The following SKAP1 variants were observed in gnomAD, a reference collection of about 807,000 sequenced individuals.
The protein encoded by SKAP1 is src kinase associated phosphoprotein 1, also known as src kinase-associated phosphoprotein 1.
Under a neutral mutation model 58.5 loss-of-function variants are expected in SKAP1, and 44 were observed. The observed-to-expected ratio is 0.75, with a 90% CI of 0.59 to 0.97. SKAP1 has a LOEUF of 0.97. Among genes scored for constraint, SKAP1 ranks in the 50% least tolerant of loss-of-function variants. SKAP1 has a pLI of 0.00. For synonymous variants in SKAP1, 127 were observed against 149.7 expected, an observed-to-expected ratio of 0.85 and a Z score of 1.11; for missense variants, 390 against 435.2, an observed-to-expected ratio of 0.90 and a Z score of 0.92.
intron 11 of SKAP1, among the ~76,000 whole-genome samples, chr17:48,147,644 G>A (rs1214837229): frequency 3.3e-5 from 5 of 152,134 alleles, no homozygotes; most frequent in East Asian, 1.9e-4. Flanking sequence ...TTGGGTGGCC[G>A]GTGGGTTAGT....
chr17:48,292,953 T>G (rs888724185), intron 4 of SKAP1, among the ~76,000 whole-genome samples: 2 of 152,192 alleles, frequency 1.3e-5, no homozygotes, highest in Non-Finnish European at 2.9e-5. Flanking sequence ...CAATCTCTTG[T>G]GGATTATTTA....
intron 4 of SKAP1, among the ~76,000 whole-genome samples, chr17:48,251,860 G>A (rs556616501): frequency 1.3e-5 from 2 of 152,064 alleles, no homozygotes; most frequent in Non-Finnish European, 2.9e-5. Context: ...TTTCAAAGTC[G>A]AATATGCATA....
chr17:48,375,107 T>C (rs1197110643), intron 2 of SKAP1, among the ~76,000 whole-genome samples: 1 of 152,190 alleles, frequency 6.6e-6, no homozygotes, highest in East Asian at 1.9e-4. Context: ...ACAATAGGCA[T>C]ATAACTCAAT....
intron 4 of SKAP1, among the ~76,000 whole-genome samples, chr17:48,223,171 T>C (rs1386883156): frequency 1.3e-5 from 2 of 152,122 alleles, no homozygotes; most frequent in African/African-American, 4.8e-5. Context: ...CTGTGTGGTT[T>C]TGGAGATGCT....
At chr17:48,237,645 A>G (rs1447369489) in intron 4 of SKAP1, among the ~76,000 whole-genome samples, 1 of 152,226 alleles carries the variant, frequency 6.6e-6, no homozygotes, top group Non-Finnish European at 1.5e-5. Context: ...AGGGAGATTA[A>G]CTGGAAGATG....
rs770175322 is a variant in SKAP1 at position 48,137,292 on chromosome 17, C to T, written c.1024G>A (p.Val342Ile). The T allele has an allele frequency of 8.7e-6, 14 of 1,613,850 alleles. No homozygotes were observed. Among genetic ancestry groups the T allele is most frequent in the Admixed American group, 5.0e-5 (3 of 60,000 alleles). ...GWWVGELNSL[V>I]GIVPKEYLTT... is the part of the protein sequence containing the mutation. ...AGATACTCCTTTGGAACAATCCCAA[C>T]GAGGCTGTTCAGTTCTCCCACCCAC... Residue 342 changes from valine to isoleucine, a missense_variant, in exon 12 of 13, where the codon GTT becomes ATT. Transcript: ENST00000336915.
intron 4 of SKAP1, among the ~76,000 whole-genome samples, chr17:48,340,125 G>T (rs186610601): frequency 6.6e-6 from 1 of 152,026 alleles, no homozygotes; most frequent in East Asian, 1.9e-4. Flanking sequence ...GGTTGCAGTG[G>T]GCTGAGGTCA....
At chr17:48,396,306 C>T (rs1210598929) in intron 2 of SKAP1, among the ~76,000 whole-genome samples, 1 of 152,110 alleles carries the variant, frequency 6.6e-6, no homozygotes, top group Admixed American at 6.5e-5. Context: ...AAAATCAGTA[C>T]CAAAAATCAT....
At chr17:48,344,989 C>T (rs1056650420) in intron 4 of SKAP1, among the ~76,000 whole-genome samples, 1 of 152,122 alleles carries the variant, frequency 6.6e-6, no homozygotes, top group Non-Finnish European at 1.5e-5. Context: ...ATTCCCAATC[C>T]CTAAGCGAAT....
At chr17:48,403,809 G>T (rs1277709195) in intron 1 of SKAP1, among the ~76,000 whole-genome samples, 1 of 152,054 alleles carries the variant, frequency 6.6e-6, no homozygotes, top group Non-Finnish European at 1.5e-5. Context: ...GATCACAGCC[G>T]GGCACAGTGG....
At chr17:48,243,871 C>T (rs777325478) in intron 4 of SKAP1, among the ~76,000 whole-genome samples, 16 of 152,164 alleles carry the variant, frequency 1.1e-4, no homozygotes, top group Non-Finnish European at 2.1e-4. Context: ...TCATTTCATT[C>T]TGCTTTTGTT....
chr17:48,315,834 C>G (rs1161746230), intron 4 of SKAP1, among the ~76,000 whole-genome samples: 1 of 152,130 alleles, frequency 6.6e-6, no homozygotes, highest in Non-Finnish European at 1.5e-5. Flanking sequence ...TCAGACTATG[C>G]ATATAAAGCA....
intron 2 of SKAP1, among the ~76,000 whole-genome samples, chr17:48,385,703 G>A (rs764549427): frequency 8.5e-5 from 13 of 152,130 alleles, no homozygotes; most frequent in Non-Finnish European, 1.6e-4. Flanking sequence ...TTGGGAAAAC[G>A]AGCAGATTCT....
Position 48,370,339 on chromosome 17 carries a change from C to T in SKAP1, c.153-6525G>A, listed in dbSNP as rs79501728. On this transcript the variant is annotated intron_variant, in intron 2 of 12. Coordinates refer to ENST00000336915, the MANE Select transcript of SKAP1 (RefSeq NM_003726.4). Reference sequence around the variant, plus strand: ...ATATTTTTTTGAAACAGGGTCTCGCCCTGTCACCTATGCTGGAGTGCTGTG... The same window carrying T: ...ATATTTTTTTGAAACAGGGTCTCGCTCTGTCACCTATGCTGGAGTGCTGTG... Among the ~76,000 whole-genome samples the T allele has an allele frequency of 2.0e-4, 30 of 152,144 alleles. No homozygotes were observed. In the East Asian group the frequency reaches 5.8e-3, roughly 29 times the overall value.
chr17:48,437,911 C>T, the SKAP1 span, among the ~76,000 whole-genome samples: 2 of 152,090 alleles, frequency 1.3e-5, no homozygotes, highest in African/African-American at 4.8e-5. Flanking sequence ...CCTTACCCTC[C>T]TTGCGTCCTT....
chr17:48,396,119 G>T (rs2067415119), intron 2 of SKAP1, among the ~76,000 whole-genome samples: 1 of 152,118 alleles, frequency 6.6e-6, no homozygotes, highest in African/African-American at 2.4e-5. Flanking sequence ...CCAAGCAAGT[G>T]TTTGCATCTC....
intron 4 of SKAP1, among the ~76,000 whole-genome samples, chr17:48,248,007 C>T (rs1416783242): frequency 6.6e-6 from 1 of 152,156 alleles, no homozygotes; most frequent in Non-Finnish European, 1.5e-5. Flanking sequence ...ACTCATCTAT[C>T]TTATTCTTTC....
intron 4 of SKAP1, among the ~76,000 whole-genome samples, chr17:48,271,057 T>C (rs2065625899): frequency 6.6e-6 from 1 of 152,128 alleles, no homozygotes; most frequent in Non-Finnish European, 1.5e-5. Flanking sequence ...CTTGTTTCTT[T>C]TTTTAAACAT....
At chr17:48,338,728 G>A (rs562923247) in intron 4 of SKAP1, among the ~76,000 whole-genome samples, 448 of 152,216 alleles carry the variant, frequency 2.9e-3, no homozygotes, top group Non-Finnish European at 4.9e-3. Context: ...AATGAAAAAC[G>A]GGTCATTCAT....
Sources: allele counts gnomAD v4.1 joint callset (sites outside exome capture counted in the v4.1 genomes callset), GRCh38; gene constraint gnomAD v4.1.1; transcripts MANE v1.5; gene names NCBI Gene and HGNC (gene_info 2026-07-23, HGNC 2026-07-21).